JADE1: variants seen among roughly 807,000 people sequenced by gnomAD.
JADE1 encodes the protein jade family PHD finger 1.
In JADE1, 14 loss-of-function variants were observed where a neutral mutation model predicts 81.8. The ratio of observed to expected loss-of-function variants is 0.17; its 90% confidence interval spans 0.11 to 0.27. JADE1 has a LOEUF of 0.27. Among genes scored for constraint, JADE1 ranks in the 10% least tolerant of loss-of-function variants. JADE1 has a pLI of 1.00. For missense variants in JADE1, 690 were observed against 1,047.9 expected (o/e 0.66, Z 4.71); for synonymous variants, 353 against 391.9 (o/e 0.90, Z 1.17).
At position 128,837,169 on chromosome 4, in the gene JADE1, T is replaced by C. The variant is rs1257924097; in HGVS notation, c.52+5359T>C. 2.0e-5 allele frequency among the ~76,000 whole-genome samples: 3 copies of C among 152,300 alleles called. No homozygotes were observed. The East Asian group carries it at 5.8e-4, about 29-fold the overall frequency. On this transcript the variant is annotated intron_variant, in intron 2 of 10. Coordinates refer to ENST00000226319, the MANE Select transcript of JADE1 (RefSeq NM_199320.4). ...GTGGGCCCTCTCTGGTCTCCCTGTT[T>C]CTGCACCTGAGCTAGGGTGGAAGCA...
rs755081576 is a variant in JADE1, at chr4:128,855,726, G to A, written c.793G>A (p.Gly265Ser). ...AAAATGTCTGCTGTGTCCGAAGAAG[G>A]GTGGAGCTATGAAGCCCACCCGTAG... ...QPKCLLCPKK[G>S]GAMKPTRSGT... The change falls in exon 7 of 11, where the codon GGT becomes AGT. Residue 265 changes from glycine (G) to serine (S), a missense_variant. Coordinates refer to ENST00000226319, the MANE Select transcript of JADE1 (RefSeq NM_199320.4). 1.9e-6 allele frequency: 3 copies of A among 1,614,186 alleles called. No individual in the cohort carries two copies. Among genetic ancestry groups the A allele is most frequent in the Non-Finnish European group, 2.5e-6 (3 of 1,179,994 alleles).
At chr4:128,838,582 A>G (rs1480059791) in intron 2 of JADE1, among the ~76,000 whole-genome samples, 1 of 152,214 alleles carries the variant, frequency 6.6e-6, no homozygotes, top group African/African-American at 2.4e-5. Context: ...AATAGCAAGC[A>G]CACTGTTTTT....
At chr4:128,831,510 C>A in intron 1 of JADE1, 1 of 537,292 alleles carries the variant, frequency 1.9e-6, no homozygotes, top group Admixed American at 3.4e-5. Flanking sequence ...GGGAGACCTA[C>A]TGATATGTGA....
At chr4:128,859,287 T>A (rs929794971) in intron 8 of JADE1, among the ~76,000 whole-genome samples, 2 of 150,942 alleles carry the variant, frequency 1.3e-5, no homozygotes, top group Non-Finnish European at 2.9e-5. Context: ...CATGTGGTTA[T>A]GTGTATGTGT....
At chr4:128,870,603 T>A (rs1732117374) in intron 10 of JADE1, among the ~76,000 whole-genome samples, 1 of 152,172 alleles carries the variant, frequency 6.6e-6, no homozygotes, top group African/African-American at 2.4e-5. Context: ...TCAGAGTACA[T>A]TATCAAATGA....
In JADE1 at chr4:128,873,281, G is replaced by GAAAAAAAAAAAAAAAAAAAAAAAAA. The variant is rs1281020527; in HGVS notation, c.*1029_*1030insAAAAAAAAAAAAAAAAAAAAAAAAA. The GAAAAAAAAAAAAAAAAAAAAAAAAA allele has an allele frequency of 2.8e-5, 3 of 105,630 alleles. No homozygotes were observed. The highest frequency in any genetic ancestry group is 9.3e-5 in the Admixed American group (1 of 10,702). The allele number at this position is 105,630 out of a possible 1,614,324, so 6.5% of individuals were successfully genotyped here. On this transcript the variant is annotated 3_prime_UTR_variant, in exon 11 of 11. Transcript: ENST00000226319. ...GAAAAAAAAAAAAAAAAGAAAAAAA[G>GAAAAAAAAAAAAAAAAAAAAAAAAA]AAAAAAAAAAGAAAAAAGAAAAAAA...
chr4:128,812,811 G>C (rs555489411), intron 1 of JADE1, among the ~76,000 whole-genome samples: 2 of 152,374 alleles, frequency 1.3e-5, no homozygotes, highest in East Asian at 1.9e-4. Context: ...GCGAGGGGCT[G>C]TCGCCCTCTA....
intron 1 of JADE1, among the ~76,000 whole-genome samples, chr4:128,823,661 A>G (rs1228127426): frequency 6.6e-6 from 1 of 152,298 alleles, no homozygotes; most frequent in Non-Finnish European, 1.5e-5. Flanking sequence ...TTTGCTTGAG[A>G]TATTTAGACA....
intron 10 of JADE1, among the ~76,000 whole-genome samples, chr4:128,869,180 T>G (rs1732002782): frequency 6.6e-6 from 1 of 152,210 alleles, no homozygotes; most frequent in South Asian, 2.1e-4. Context: ...GTTGATATCC[T>G]AGATATTTTC....
intron 1 of JADE1, among the ~76,000 whole-genome samples, chr4:128,828,905 A>C (rs1480451796): frequency 6.6e-6 from 1 of 152,102 alleles, no homozygotes; most frequent in African/African-American, 2.4e-5. Flanking sequence ...CTGGCGTCCC[A>C]AAGTTCTAGG....
intron 1 of JADE1, chr4:128,811,280 C>G (rs1013942157): frequency 2.6e-5 from 4 of 152,400 alleles, no homozygotes; most frequent in African/African-American, 9.7e-5. Flanking sequence ...GCTGAGGACG[C>G]GGCTGCTGCT....
In JADE1 at chr4:128,871,579, G is replaced by C; in HGVS notation, c.1846G>C (p.Asp616His). 6.2e-7 allele frequency: 1 copy of C among 1,614,142 alleles called. No individual in the cohort carries two copies. The highest frequency in any genetic ancestry group is 8.5e-7 in the Non-Finnish European group (1 of 1,180,026). ...AGGCAAAACCCTGCTGAAGCAGCCA[G>C]ACCTGTGTGGTAGAAGGGAGGGGAT... ...SEGKTLLKQP[D>H]LCGRREGMVV... Residue 616 changes from aspartate to histidine, a missense_variant, in exon 11 of 11, where the codon GAC becomes CAC. Physicochemically the swap from Asp to His is moderately conservative, Grantham distance 81. Coordinates refer to ENST00000226319, the MANE Select transcript of JADE1 (RefSeq NM_199320.4). The surrounding 1 kb of genome is among the most constrained non-coding windows in gnomAD (Gnocchi z 4.1).
At chr4:128,815,116 C>T (rs1237120829) in intron 1 of JADE1, among the ~76,000 whole-genome samples, 8 of 36,228 alleles carry the variant, frequency 2.2e-4, no homozygotes, top group Admixed American at 3.2e-4. Flanking sequence ...GGGGTGCGAT[C>T]TCGGCTCCCT....
intron 1 of JADE1, among the ~76,000 whole-genome samples, chr4:128,814,549 C>G (rs1560718664): frequency 6.6e-6 from 1 of 151,096 alleles, no homozygotes; most frequent in Non-Finnish European, 1.5e-5. Context: ...ATGAATATAC[C>G]ATCTGTAAGG....
intron 1 of JADE1, among the ~76,000 whole-genome samples, chr4:128,813,798 A>G (rs1726730224): frequency 6.6e-6 from 1 of 151,872 alleles, no homozygotes; most frequent in Non-Finnish European, 1.5e-5. Context: ...ATACTTCTAT[A>G]AGTGTCTTTT....
chr4:128,875,055 T>TG lies in JADE1; in HGVS notation c.*2793_*2794insG, dbSNP rs1166832914. ...GTTAAAAATCAAATTAAAGTATATG[T>TG]AGAGATGACTATTTTATATTACATG... On this transcript the variant is annotated 3_prime_UTR_variant, in exon 11 of 11. Coordinates refer to ENST00000226319, the MANE Select transcript of JADE1 (RefSeq NM_199320.4). The TG allele has an allele frequency of 2.0e-5, 3 of 152,156 alleles. No individual in the cohort carries two copies. Among genetic ancestry groups the TG allele is most frequent in the Non-Finnish European group, 4.4e-5 (3 of 67,970 alleles). 9.4% of individuals were successfully genotyped at this position (152,156 alleles called of 1,614,324 possible).
chr4:128,826,413 A>G (rs1346993866), intron 1 of JADE1, among the ~76,000 whole-genome samples: 1 of 151,888 alleles, frequency 6.6e-6, no homozygotes, highest in Non-Finnish European at 1.5e-5. Context: ...GCTGGAGTGC[A>G]GTGGCACACG....
chr4:128,863,162 C>T, intron 9 of JADE1: 1 of 985,504 alleles, frequency 1.0e-6, no homozygotes, highest in Non-Finnish European at 1.2e-6. Context: ...CCTCTGGAGT[C>T]CCGTCTGGAC....
chr4:128,864,600 G>T, intron 9 of JADE1: 4 of 985,364 alleles, frequency 4.1e-6, no homozygotes, highest in Non-Finnish European at 4.8e-6. Context: ...ATCAGGGCAG[G>T]GGTGACAATA....
Sources: allele counts gnomAD v4.1 joint callset (sites outside exome capture counted in the v4.1 genomes callset), GRCh38; gene constraint gnomAD v4.1.1; non-coding constraint Gnocchi (gnomAD v3.1); transcripts MANE v1.5; gene names NCBI Gene and HGNC (gene_info 2026-07-23, HGNC 2026-07-21).